LPGAT1: variants seen among roughly 807,000 people sequenced by gnomAD.
LPGAT1 encodes acyl-CoA:lysophosphatidylglycerol acyltransferase 1.
LPGAT1 carries 11 observed loss-of-function variants against 47.5 expected under a neutral mutation model. That is an observed-to-expected ratio of 0.23 (90% CI 0.15 to 0.38). The LOEUF (loss-of-function observed/expected upper bound fraction) is 0.38, where lower values mean the gene tolerates loss of function less well. LPGAT1 is among the 10% of genes least tolerant of loss of function. The pLI is 1.00. For synonymous variants in LPGAT1, 138 were observed against 144.2 expected, an observed-to-expected ratio of 0.96 and a Z score of 0.31; for missense variants, 293 against 439.0, an observed-to-expected ratio of 0.67 and a Z score of 2.97.
At chr1:211,802,854 A>G (rs1237331956) in intron 2 of LPGAT1, among the ~76,000 whole-genome samples, 1 of 152,226 alleles carries the variant, frequency 6.6e-6, no homozygotes, top group Non-Finnish European at 1.5e-5. Flanking sequence ...ATTTCAAAAC[A>G]ATAAATCAAA....
intron 2 of LPGAT1, among the ~76,000 whole-genome samples, chr1:211,802,466 T>C (rs369058947): frequency 9.9e-5 from 15 of 151,758 alleles, no homozygotes; most frequent in East Asian, 3.9e-4. Context: ...AGCATTAATA[T>C]CTATATTGAG....
intron 6 of LPGAT1, among the ~76,000 whole-genome samples, chr1:211,757,207 T>C (rs1657498951): frequency 6.6e-6 from 1 of 151,038 alleles, no homozygotes; most frequent in Non-Finnish European, 1.5e-5. Context: ...TGAGCCGAGA[T>C]CGTACCACTG....
intron 4 of LPGAT1, among the ~76,000 whole-genome samples, chr1:211,787,253 G>C (rs1397254416): frequency 6.6e-6 from 1 of 152,098 alleles, no homozygotes; most frequent in Non-Finnish European, 1.5e-5. Context: ...CAGCACTCTG[G>C]GAGGCCAGGC....
At chr1:211,829,974 G>A (rs1660672789) in intron 1 of LPGAT1, 3 of 985,512 alleles carry the variant, frequency 3.0e-6, no homozygotes, top group African/African-American at 1.7e-5. Context: ...ACAGGAGTAG[G>A]GGGAAGGGAG....
intron 2 of LPGAT1, among the ~76,000 whole-genome samples, chr1:211,806,745 G>GT (rs1438533620): frequency 6.6e-6 from 1 of 152,104 alleles, no homozygotes; most frequent in Non-Finnish European, 1.5e-5. Context: ...ATAAATTTCA[G>GT]TATCCATTCA....
chr1:211,789,652 T>C (rs1436940934), intron 3 of LPGAT1, among the ~76,000 whole-genome samples: 1 of 152,074 alleles, frequency 6.6e-6, no homozygotes, highest in East Asian at 1.9e-4. Context: ...GAGGCTGAGG[T>C]GGGCGGATCA....
In LPGAT1 at chr1:211,743,827, G is replaced by C. The variant is rs987194013; in HGVS notation, c.*6072C>G. The C allele has an allele frequency of 6.6e-6, 1 of 152,034 alleles. No individual in the cohort carries two copies. Among genetic ancestry groups the C allele is most frequent in the African/African-American group, 2.4e-5 (1 of 41,378 alleles). The allele number at this position is 152,034 out of a possible 1,614,324, so 9.4% of individuals were successfully genotyped here. On this transcript the variant is annotated 3_prime_UTR_variant, in exon 8 of 8. Coordinates refer to ENST00000366997, the MANE Select transcript of LPGAT1 (RefSeq NM_014873.3). ...CTAAATACAGATAGAAAAATAAGAG[G>C]TAGACACGACTGTAACGATTTAACT...
chr1:211,773,794 AAAT>A lies in LPGAT1; in HGVS notation c.854+5121_854+5123del, dbSNP rs199901162. ...AATAAGCTGTCTTCCAGTTTGATAG[AAAT>A]AAAAAGAGGAGAGGAGGAGGAAAAA... On this transcript the variant is annotated intron_variant, in intron 6 of 7. Coordinates refer to ENST00000366997, the MANE Select transcript of LPGAT1 (RefSeq NM_014873.3). Among the ~76,000 whole-genome samples, 29 of 152,334 alleles carry A rather than the reference AAAT, an allele frequency of 1.9e-4. 1 individual carries two copies. In the East Asian group the frequency reaches 5.4e-3, roughly 28 times the overall value.
intron 6 of LPGAT1, among the ~76,000 whole-genome samples, chr1:211,755,550 G>GA (rs61044318): frequency 2.2e-3 from 328 of 151,114 alleles, no homozygotes; most frequent in African/African-American, 7.6e-3. Flanking sequence ...CGAGTAGACA[G>GA]AAAAAAAATA....
chr1:211,791,913 A>G (rs1028814340), intron 3 of LPGAT1, among the ~76,000 whole-genome samples: 7 of 151,578 alleles, frequency 4.6e-5, no homozygotes, highest in Non-Finnish European at 8.9e-5. Flanking sequence ...ATAACTACTA[A>G]GCCCTTAATG....
intron 6 of LPGAT1, among the ~76,000 whole-genome samples, chr1:211,767,898 G>A (rs933142401): frequency 1.5e-4 from 23 of 152,260 alleles, no homozygotes; most frequent in African/African-American, 5.1e-4. Context: ...GGGGCTGAGG[G>A]TGGCAAAGAC....
At chr1:211,819,439 G>A (rs1051334651) in intron 2 of LPGAT1, among the ~76,000 whole-genome samples, 7 of 152,122 alleles carry the variant, frequency 4.6e-5, no homozygotes, top group African/African-American at 1.7e-4. Context: ...GCTGTAGTGA[G>A]TTGGAATGCA....
intron 6 of LPGAT1, among the ~76,000 whole-genome samples, chr1:211,771,218 G>A (rs1658155575): frequency 1.3e-5 from 2 of 151,838 alleles, no homozygotes; most frequent in Non-Finnish European, 2.9e-5. Flanking sequence ...GTGATATGAT[G>A]TACAGGTCTG....
chr1:211,776,179 G>C (rs545665043), intron 6 of LPGAT1, among the ~76,000 whole-genome samples: 4 of 151,948 alleles, frequency 2.6e-5, no homozygotes, highest in South Asian at 4.2e-4. Context: ...ATCTTAAGTG[G>C]GATCTAATAA....
In LPGAT1 at chr1:211,830,177, G is replaced by A. The variant is rs1212670257; in HGVS notation, c.-28+396C>T. ...GCGGCGGGCGCGGCCCGCGCGCCGG[G>A]CTCACCTCGGCGGGCGCGGACGGCG... On this transcript the variant is annotated intron_variant, in intron 1 of 7. Transcript: ENST00000366997. The surrounding 1 kb of genome is among the most constrained non-coding windows in gnomAD (Gnocchi z 5.9). 2.0e-6 allele frequency: 2 copies of A among 983,116 alleles called. No individual in the cohort carries two copies. Among genetic ancestry groups the A allele is most frequent in the Non-Finnish European group, 2.4e-6 (2 of 829,186 alleles). The allele number at this position is 983,116 out of a possible 1,614,324, so 60.9% of individuals were successfully genotyped here.
intron 2 of LPGAT1, among the ~76,000 whole-genome samples, chr1:211,808,125 C>A (rs1287990785): frequency 6.6e-6 from 1 of 152,056 alleles, no homozygotes; most frequent in Non-Finnish European, 1.5e-5. Flanking sequence ...GCAGGCAGAT[C>A]ACTTGAGGTC....
chr1:211,804,856 C>T (rs1037110041), intron 2 of LPGAT1, among the ~76,000 whole-genome samples: 4 of 151,972 alleles, frequency 2.6e-5, no homozygotes, highest in African/African-American at 4.8e-5. Context: ...TACCCACAAA[C>T]GTTAAGTCAC....
chr1:211,799,567 G>A (rs1218899904), intron 2 of LPGAT1, among the ~76,000 whole-genome samples: 1 of 152,182 alleles, frequency 6.6e-6, no homozygotes, highest in Non-Finnish European at 1.5e-5. Flanking sequence ...CAGGAACTTG[G>A]ATAAATGCCC....
At chr1:211,824,224 T>C (rs1215065762) in intron 2 of LPGAT1, among the ~76,000 whole-genome samples, 4 of 151,882 alleles carry the variant, frequency 2.6e-5, no homozygotes, top group Admixed American at 2.6e-4. Flanking sequence ...TGGTGAAACC[T>C]TGTCTCTACT....
Sources: allele counts gnomAD v4.1 joint callset (sites outside exome capture counted in the v4.1 genomes callset), GRCh38; gene constraint gnomAD v4.1.1; non-coding constraint Gnocchi (gnomAD v3.1); transcripts MANE v1.5; gene names NCBI Gene and HGNC (gene_info 2026-07-23, HGNC 2026-07-21).